The following MEF2C variants were observed in gnomAD, a reference collection of about 807,000 sequenced individuals.
MEF2C encodes the protein myocyte-specific enhancer factor 2C.
A neutral mutation model predicts 50.5 loss-of-function variants in MEF2C; 6 were observed. That is an observed-to-expected ratio of 0.12 (90% CI 0.07 to 0.23). The LOEUF is 0.23. Ranked by LOEUF, MEF2C falls within the 10% of genes least tolerant of loss-of-function variation. MEF2C has a pLI of 1.00. For synonymous variants in MEF2C, 183 were observed against 228.0 expected (o/e 0.80, Z 1.78); for missense variants, 276 against 605.0 (o/e 0.46, Z 5.70).
At chr5:88,869,624 C>T (rs1487173987) in intron 1 of MEF2C, among the ~76,000 whole-genome samples, 1 of 151,440 alleles carries the variant, frequency 6.6e-6, no homozygotes, top group Non-Finnish European at 1.5e-5. Flanking sequence ...TAACTTACTA[C>T]ACTTATTAAT....
At chr5:88,733,344 T>C in intron 6 of MEF2C, 1 of 985,314 alleles carries the variant, frequency 1.0e-6, no homozygotes, top group East Asian at 1.1e-4. Context: ...TCTGGAGGGA[T>C]GCAGGGGTTG....
intron 1 of MEF2C, among the ~76,000 whole-genome samples, chr5:88,874,258 C>CAT (rs1830422081): frequency 1.3e-5 from 2 of 151,920 alleles, no homozygotes; most frequent in African/African-American, 4.8e-5. Flanking sequence ...CTATTCCATA[C>CAT]ATATGTTCAA....
chr5:88,845,238 T>C (rs1206586128), intron 1 of MEF2C, among the ~76,000 whole-genome samples: 1 of 152,194 alleles, frequency 6.6e-6, no homozygotes, highest in Admixed American at 6.5e-5. Flanking sequence ...ATAATTGCTG[T>C]TGTCAACAGC....
chr5:88,722,473 A>G lies in MEF2C; in HGVS notation c.*131T>C. The G allele has an allele frequency of 1.3e-6, 1 of 789,504 alleles. No individual in the cohort carries two copies. Among genetic ancestry groups the G allele is most frequent in the Admixed American group, 2.5e-5 (1 of 39,754 alleles). The allele number at this position is 789,504 out of a possible 1,614,324, so 48.9% of individuals were successfully genotyped here. A position where few individuals can be genotyped will look rare whatever the true frequency, so the allele number is the denominator to read the frequency against. Reference sequence around the variant, plus strand: ...GAGGCAATTTAAAAGTACTTTTACAAAACAGAGTACCTGACTTTTTTTTTT... The same window carrying G: ...GAGGCAATTTAAAAGTACTTTTACAGAACAGAGTACCTGACTTTTTTTTTT... On this transcript the variant is annotated 3_prime_UTR_variant, in exon 11 of 11. Coordinates refer to ENST00000504921, the MANE Select transcript of MEF2C (RefSeq NM_002397.5).
intron 1 of MEF2C, among the ~76,000 whole-genome samples, chr5:88,869,329 A>G (rs955215406): frequency 3.6e-5 from 5 of 139,896 alleles, no homozygotes; most frequent in African/African-American, 1.3e-4. Context: ...ATATAGCTTC[A>G]TTTGTACAAA....
chr5:88,754,540 C>T (rs1774368455), intron 4 of MEF2C, among the ~76,000 whole-genome samples: 1 of 152,170 alleles, frequency 6.6e-6, no homozygotes, highest in Non-Finnish European at 1.5e-5. Context: ...CACTGGTACT[C>T]TACAGGGGTG....
intron 2 of MEF2C, among the ~76,000 whole-genome samples, chr5:88,814,498 T>C (rs1158596214): frequency 6.6e-6 from 1 of 152,082 alleles, no homozygotes; most frequent in African/African-American, 2.4e-5. Context: ...AAGGGGACTA[T>C]TGTCCTCGTT....
At chr5:88,885,254 AGCTTC>A (rs1833953897), upstream of MEF2C, among the ~76,000 whole-genome samples, 2 of 152,206 alleles carry the variant, frequency 1.3e-5, no homozygotes, top group East Asian at 3.8e-4. Context: ...TGATGTGAGT[AGCTTC>A]TCTCAGAAGA....
chr5:88,748,351 A>T (rs1406321516), intron 6 of MEF2C, among the ~76,000 whole-genome samples: 1 of 152,210 alleles, frequency 6.6e-6, no homozygotes, highest in Non-Finnish European at 1.5e-5. Flanking sequence ...AGAAATTACC[A>T]TGGTTACTTG....
chr5:88,846,385 A>G (rs779518313), intron 1 of MEF2C, among the ~76,000 whole-genome samples: 5 of 152,138 alleles, frequency 3.3e-5, no homozygotes, highest in Non-Finnish European at 5.9e-5. Flanking sequence ...ACACTTTACG[A>G]AAGTGCTACA....
intron 1 of MEF2C, among the ~76,000 whole-genome samples, chr5:88,873,767 C>T (rs1010961675): frequency 1.9e-5 from 2 of 105,050 alleles, no homozygotes. Flanking sequence ...AATATTCAAA[C>T]ATGAAATGAA....
chr5:88,813,682 A>G (rs1419319188), intron 2 of MEF2C, among the ~76,000 whole-genome samples: 1 of 152,108 alleles, frequency 6.6e-6, no homozygotes, highest in Non-Finnish European at 1.5e-5. Context: ...GGTCCCAAAT[A>G]CTTCTTTCCA....
intron 3 of MEF2C, 43 bp from the exon 4 acceptor site, chr5:88,761,371 G>C (rs775418574): frequency 6.3e-7 from 1 of 1,581,950 alleles, no homozygotes; most frequent in South Asian, 1.2e-5. Context: ...GACAAAGGCT[G>C]TAAGAGACAT....
intron 6 of MEF2C, chr5:88,734,025 A>G (rs907511559): frequency 1.0e-6 from 1 of 985,158 alleles, no homozygotes; most frequent in Non-Finnish European, 1.2e-6. Flanking sequence ...TCCTCTCACT[A>G]GAAGAAAAAA....
chr5:88,872,671 C>T (rs1054237806), intron 1 of MEF2C, among the ~76,000 whole-genome samples: 7 of 151,902 alleles, frequency 4.6e-5, no homozygotes, highest in East Asian at 1.9e-4. Context: ...ATCTGCATTA[C>T]GGTTTTATAT....
At chr5:88,857,847 A>G (rs1334237013) in intron 1 of MEF2C, among the ~76,000 whole-genome samples, 1 of 152,196 alleles carries the variant, frequency 6.6e-6, no homozygotes, top group East Asian at 1.9e-4. Context: ...CTATTTCTTC[A>G]TAGCAGCGTA....
chr5:88,775,970 T>C (rs1784546395), intron 3 of MEF2C: 1 of 209,932 alleles, frequency 4.8e-6, no homozygotes, highest in Admixed American at 6.5e-5. Flanking sequence ...ATGAGCCAAA[T>C]GTTTCACCAT....
chr5:88,749,453 A>C, intron 5 of MEF2C: 1 of 984,408 alleles, frequency 1.0e-6, no homozygotes, highest in Non-Finnish European at 1.2e-6. Flanking sequence ...AAGGTCTACT[A>C]TATGCTCAGA....
At chr5:88,725,393 C>G (rs555910761) in intron 10 of MEF2C, among the ~76,000 whole-genome samples, 3 of 152,136 alleles carry the variant, frequency 2.0e-5, no homozygotes, top group South Asian at 2.1e-4. Flanking sequence ...AATGGCTAGT[C>G]TCTGTTAACA....
Sources: gnomAD v4.1 joint callset for allele counts (sites outside exome capture counted in the v4.1 genomes callset) on GRCh38, gnomAD v4.1.1 for gene constraint, MANE v1.5 for transcripts, NCBI Gene and HGNC (gene_info 2026-07-23, HGNC 2026-07-21) for gene names.